The following DLG2 variants were observed in gnomAD, a reference collection of about 807,000 sequenced individuals.
The protein encoded by DLG2 is discs large MAGUK scaffold protein 2, also known as disks large homolog 2.
A neutral mutation model predicts 132.5 loss-of-function variants in DLG2; 45 were observed. That is an observed-to-expected ratio of 0.34 (90% CI 0.27 to 0.44). DLG2 has a LOEUF of 0.44. Among genes scored for constraint, DLG2 ranks in the 20% least tolerant of loss-of-function variants. The pLI, the probability that DLG2 is intolerant of heterozygous loss-of-function variation, is 1.00. For missense variants in DLG2, 1,045 were observed against 1,196.9 expected, an observed-to-expected ratio of 0.87 and a Z score of 1.87; for synonymous variants, 424 against 419.6, an observed-to-expected ratio of 1.01 and a Z score of -0.13.
At chr11:83,623,832 G>A (rs2062038660) in intron 19 of DLG2, among the ~76,000 whole-genome samples, 1 of 152,202 alleles carries the variant, frequency 6.6e-6, no homozygotes, top group Non-Finnish European at 1.5e-5. Flanking sequence ...AGGGGGAAGA[G>A]GGAAGCTCCC....
At chr11:84,164,719 ATTATAG>A (rs1476099330) in intron 8 of DLG2, among the ~76,000 whole-genome samples, 1 of 152,244 alleles carries the variant, frequency 6.6e-6, no homozygotes, top group East Asian at 1.9e-4. Flanking sequence ...TAAAGGTGTA[ATTATAG>A]TTATAATCAG....
chr11:83,588,073 G>A lies in DLG2; in HGVS notation c.1940+45138C>T, dbSNP rs1462857161. ...GGCTAGGGGAGGGGCGCCCGCCATT[G>A]CCCAGGCTTGATTAGGTAAACAAAG... On this transcript the variant is annotated intron_variant, in intron 19 of 27. Transcript: ENST00000376104. 3.3e-5 allele frequency among the ~76,000 whole-genome samples: 5 copies of A among 152,212 alleles called. No individual in the cohort carries two copies. In the East Asian group the frequency reaches 9.6e-4, roughly 29 times the overall value.
At chr11:84,012,832 T>C (rs2094959714) in intron 11 of DLG2, among the ~76,000 whole-genome samples, 1 of 152,142 alleles carries the variant, frequency 6.6e-6, no homozygotes, top group Non-Finnish European at 1.5e-5. Flanking sequence ...TCTAATCGAA[T>C]ACCCGCTCCA....
chr11:84,187,129 A>C (rs2096290931), intron 8 of DLG2, among the ~76,000 whole-genome samples: 2 of 149,688 alleles, frequency 1.3e-5, no homozygotes, highest in South Asian at 4.2e-4. Flanking sequence ...ATAAATATAT[A>C]AGTAAAGTAT....
intron 6 of DLG2, chr11:84,887,406 C>T (rs2088522198): frequency 6.6e-6 from 1 of 152,138 alleles, no homozygotes; most frequent in South Asian, 2.1e-4. Flanking sequence ...TGGATTTTAT[C>T]ACTGACCATC....
At chr11:83,563,799 A>AAAT (rs1196216774) in intron 19 of DLG2, among the ~76,000 whole-genome samples, 1 of 152,260 alleles carries the variant, frequency 6.6e-6, no homozygotes, top group African/African-American at 2.4e-5. Flanking sequence ...TGTGAGGACT[A>AAAT]AATGAAACTG....
At chr11:84,741,553 C>T (rs1242247852) in intron 6 of DLG2, among the ~76,000 whole-genome samples, 1 of 152,082 alleles carries the variant, frequency 6.6e-6, no homozygotes. Flanking sequence ...TACTCACAAA[C>T]ATCACTAGTG....
Position 84,954,838 on chromosome 11 carries a change from C to T in DLG2, c.357+156823G>A, listed in dbSNP as rs186780301. 9.2e-5 allele frequency among the ~76,000 whole-genome samples: 14 copies of T among 152,174 alleles called. No homozygotes were observed. The East Asian group carries it at 2.1e-3, about 23-fold the overall frequency. ...ACAGGACACACAATTAATAAGTATA[C>T]GCTAGGCACCGTGCTAAGCCTATGT... is the stretch of plus-strand genomic sequence containing the variant. On this transcript the variant is annotated intron_variant, in intron 6 of 27. Transcript: ENST00000376104.
At chr11:83,767,126 T>C (rs1450179174) in intron 18 of DLG2, among the ~76,000 whole-genome samples, 1 of 152,226 alleles carries the variant, frequency 6.6e-6, no homozygotes, top group Non-Finnish European at 1.5e-5. Context: ...ATCTGAAAAG[T>C]CCTATTTGCC....
At chr11:84,201,721 A>C (rs1253783466) in intron 8 of DLG2, among the ~76,000 whole-genome samples, 3 of 139,806 alleles carry the variant, frequency 2.1e-5, no homozygotes, top group Non-Finnish European at 4.6e-5. Flanking sequence ...TTTTTTCTAG[A>C]TTTTCTAGTT....
intron 3 of DLG2, among the ~76,000 whole-genome samples, chr11:85,386,946 G>A (rs1320639045): frequency 6.7e-6 from 1 of 150,104 alleles, no homozygotes; most frequent in Non-Finnish European, 1.5e-5. Flanking sequence ...CTAGGCTGGA[G>A]TGCAATGGTG....
chr11:84,921,069 GCAAA>G (rs912973119), intron 6 of DLG2, among the ~76,000 whole-genome samples: 1 of 151,604 alleles, frequency 6.6e-6, no homozygotes, highest in Non-Finnish European at 1.5e-5. Context: ...AGAAATAAAA[GCAAA>G]CACTTTTAAA....
chr11:84,295,550 G>T (rs1015017377), intron 7 of DLG2, among the ~76,000 whole-genome samples: 2 of 152,038 alleles, frequency 1.3e-5, no homozygotes, highest in African/African-American at 4.8e-5. Flanking sequence ...GGAATCAATC[G>T]GAGCTGACAC....
At chr11:84,342,853 A>G (rs919111916) in intron 7 of DLG2, among the ~76,000 whole-genome samples, 2 of 152,198 alleles carry the variant, frequency 1.3e-5, no homozygotes, top group Non-Finnish European at 2.9e-5. Flanking sequence ...CATGCTAATA[A>G]TAAAGCCACA....
At chr11:84,394,855 C>T (rs117384147) in intron 7 of DLG2, among the ~76,000 whole-genome samples, 4,316 of 152,138 alleles carry the variant, frequency 0.028, 89 homozygotes, top group Non-Finnish European at 0.041. Flanking sequence ...CTCCTGACCT[C>T]GTGATCCATC....
chr11:84,033,497 T>G (rs1417974079), intron 11 of DLG2, among the ~76,000 whole-genome samples: 1 of 152,154 alleles, frequency 6.6e-6, no homozygotes, highest in Non-Finnish European at 1.5e-5. Flanking sequence ...AAGAAAGTGG[T>G]TTCTTGAGAT....
At chr11:84,743,615 T>A (rs955901500) in intron 6 of DLG2, among the ~76,000 whole-genome samples, 1 of 151,834 alleles carries the variant, frequency 6.6e-6, no homozygotes, top group African/African-American at 2.4e-5. Flanking sequence ...GAGAAAAGAG[T>A]TGACAGTTAA....
chr11:85,358,252 C>G (rs7125502), intron 3 of DLG2, among the ~76,000 whole-genome samples: 1 of 152,126 alleles, frequency 6.6e-6, no homozygotes, highest in Non-Finnish European at 1.5e-5. Flanking sequence ...GGATTTTTCA[C>G]TTCAATTACA....
intron 11 of DLG2, among the ~76,000 whole-genome samples, chr11:84,019,798 C>G (rs1593219778): frequency 6.6e-6 from 1 of 152,112 alleles, no homozygotes; most frequent in South Asian, 2.1e-4. Context: ...CTACTGGAAG[C>G]TGGGAGAGAG....
Sources: gnomAD v4.1 joint callset for allele counts (sites outside exome capture counted in the v4.1 genomes callset) on GRCh38, gnomAD v4.1.1 for gene constraint, MANE v1.5 for transcripts, NCBI Gene and HGNC (gene_info 2026-07-23, HGNC 2026-07-21) for gene names.